Variants in PCDH15 observed in about 807,000 individuals in gnomAD.
PCDH15 encodes the protein protocadherin related 15.
In PCDH15, 129 loss-of-function variants were observed where a neutral mutation model predicts 178.5. The ratio of observed to expected loss-of-function variants is 0.72; its 90% CI spans 0.63 to 0.84. PCDH15 has a LOEUF of 0.84. Ranked by LOEUF, PCDH15 falls within the 40% of genes least tolerant of loss-of-function variation. The pLI is 0.00. For missense variants in PCDH15, 2,230 were observed against 2,099.9 expected (o/e 1.06, Z -1.21); for synonymous variants, 800 against 732.0 (o/e 1.09, Z -1.50).
At chr10:55,060,286 T>C in intron 2 of PCDH15, among the ~76,000 whole-genome samples, 1 of 152,172 alleles carries the variant, frequency 6.6e-6, no homozygotes, top group African/African-American at 2.4e-5. Flanking sequence ...ACAAAAGTAT[T>C]TATTGATATT....
At chr10:54,304,142 A>C (rs1263238554) in intron 8 of PCDH15, among the ~76,000 whole-genome samples, 1 of 152,012 alleles carries the variant, frequency 6.6e-6, no homozygotes, top group Admixed American at 6.6e-5. Flanking sequence ...AGGTTTTTTC[A>C]ATTTTATTTA....
At chr10:55,584,607 G>A (rs1299781509) in intron 2 of PCDH15, among the ~76,000 whole-genome samples, 2 of 131,822 alleles carry the variant, frequency 1.5e-5, no homozygotes, top group East Asian at 2.3e-4. Flanking sequence ...ACAATGAGCC[G>A]AGATCACACC....
rs960023615 is a variant in PCDH15 at position 54,253,822 on chromosome 10, C to T, written c.877-16891G>A. Reference sequence around the variant, plus strand: ...AAAACATTCTTTTGCTGTCTTTTAACGTAGATTTTAGATCTCAAATACTGT... The same window carrying T: ...AAAACATTCTTTTGCTGTCTTTTAATGTAGATTTTAGATCTCAAATACTGT... On this transcript the variant is annotated intron_variant, in intron 8 of 37. Coordinates refer to ENST00000644397, the MANE Select transcript of PCDH15 (RefSeq NM_001384140.1). 6.6e-5 allele frequency among the ~76,000 whole-genome samples: 10 copies of T among 152,026 alleles called. No homozygotes were observed. In the East Asian group the frequency reaches 1.2e-3, roughly 18 times the overall value.
intron 2 of PCDH15, among the ~76,000 whole-genome samples, chr10:54,602,430 A>G (rs1345008163): frequency 3.3e-5 from 5 of 151,984 alleles, no homozygotes; most frequent in Non-Finnish European, 7.4e-5. Flanking sequence ...CTATATGTCA[A>G]CTGTAAACAG....
intron 2 of PCDH15, among the ~76,000 whole-genome samples, chr10:55,123,662 A>G (rs1837827474): frequency 6.6e-6 from 1 of 152,128 alleles, no homozygotes; most frequent in Non-Finnish European, 1.5e-5. Context: ...GAGCCAGTCA[A>G]AGGTGCATTA....
At chr10:54,406,370 T>A (rs1715466078) in intron 3 of PCDH15, among the ~76,000 whole-genome samples, 1 of 152,134 alleles carries the variant, frequency 6.6e-6, no homozygotes, top group South Asian at 2.1e-4. Context: ...CTAGAATAGG[T>A]AGGAATTAGT....
intron 2 of PCDH15, among the ~76,000 whole-genome samples, chr10:54,565,098 T>A (rs1408296678): frequency 6.6e-6 from 1 of 152,200 alleles, no homozygotes; most frequent in African/African-American, 2.4e-5. Context: ...TAAACTCACT[T>A]CATTCACTTG....
intron 2 of PCDH15, among the ~76,000 whole-genome samples, chr10:55,392,706 A>C (rs892354490): frequency 1.8e-4 from 27 of 152,176 alleles, no homozygotes; most frequent in Non-Finnish European, 4.0e-4. Flanking sequence ...CTGATATAAA[A>C]TATATTGTAT....
chr10:54,626,213 C>A (rs1324767630), intron 2 of PCDH15, among the ~76,000 whole-genome samples: 1 of 152,092 alleles, frequency 6.6e-6, no homozygotes, highest in Non-Finnish European at 1.5e-5. Context: ...AATTTTGCAG[C>A]CTAATGATGT....
chr10:54,952,964 C>T (rs997549041), intron 2 of PCDH15, among the ~76,000 whole-genome samples: 4 of 151,530 alleles, frequency 2.6e-5, no homozygotes, highest in African/African-American at 9.7e-5. Context: ...TTCTTTTCTT[C>T]CCAATCTGTA....
intron 1 of PCDH15, among the ~76,000 whole-genome samples, chr10:55,209,065 C>A (rs765340794): frequency 1.3e-4 from 20 of 152,086 alleles, no homozygotes; most frequent in Admixed American, 3.3e-4. Flanking sequence ...GACATTTGAA[C>A]TGAGATAGAA....
intron 2 of PCDH15, among the ~76,000 whole-genome samples, chr10:55,132,951 C>T (rs913841737): frequency 4.6e-5 from 7 of 152,010 alleles, no homozygotes; most frequent in African/African-American, 1.7e-4. Context: ...GGTTTTAAGC[C>T]AAGTGTTGAC....
chr10:54,317,198 C>A (rs925236275), intron 8 of PCDH15, 73 bp downstream of exon 8: 3 of 1,508,202 alleles, frequency 2.0e-6, no homozygotes, highest in Non-Finnish European at 2.8e-6. Flanking sequence ...TATATGTCTA[C>A]AAAATACTTG....
At chr10:54,707,686 T>C (rs2095379474) in intron 1 of PCDH15, among the ~76,000 whole-genome samples, 2 of 152,212 alleles carry the variant, frequency 1.3e-5, no homozygotes, top group Admixed American at 1.3e-4. Context: ...GGGACAGTAT[T>C]CTGTGATTCT....
At chr10:55,333,036 C>T (rs115218981) in intron 2 of PCDH15, among the ~76,000 whole-genome samples, 1,637 of 152,162 alleles carry the variant, frequency 0.011, 35 homozygotes, top group African/African-American at 0.037. Context: ...CTTTTACTAG[C>T]TAATAAAACA....
chr10:54,555,896 T>C (rs1311715878), intron 2 of PCDH15, among the ~76,000 whole-genome samples: 3 of 152,118 alleles, frequency 2.0e-5, no homozygotes, highest in African/African-American at 7.2e-5. Context: ...GGCTGAATTA[T>C]TGGGGAAGAA....
At chr10:55,400,922 C>T (rs1838046357) in intron 2 of PCDH15, among the ~76,000 whole-genome samples, 2 of 152,006 alleles carry the variant, frequency 1.3e-5, no homozygotes, top group Admixed American at 1.3e-4. Flanking sequence ...CATATGTGTA[C>T]GTAGTGGGTG....
At chr10:55,252,911 A>T (rs916328383) in intron 1 of PCDH15, among the ~76,000 whole-genome samples, 1 of 152,320 alleles carries the variant, frequency 6.6e-6, no homozygotes, top group Non-Finnish European at 1.5e-5. Flanking sequence ...TCATCAATAA[A>T]TATGTAATTT....
rs73266156 is a variant in PCDH15, at chr10:54,776,262, G to C, written c.-29+24663C>G. On this transcript the variant is annotated intron_variant, in intron 1 of 37. Transcript: ENST00000644397. ...GGTACAGATTTCTCTTCGATGTACTGATTAATTTTCCTTTGGATAAATGGT... is the reference window on the plus strand; with the variant it reads ...GGTACAGATTTCTCTTCGATGTACTCATTAATTTTCCTTTGGATAAATGGT... Among the ~76,000 whole-genome samples, 818 of 152,230 alleles carry C rather than the reference G, an allele frequency of 5.4e-3. 14 individuals are homozygous for C. The highest frequency in any genetic ancestry group is 0.019 in the African/African-American group (785 of 41,554).
Sources: gnomAD v4.1 joint callset for allele counts (sites outside exome capture counted in the v4.1 genomes callset) on GRCh38, gnomAD v4.1.1 for gene constraint, MANE v1.5 for transcripts, NCBI Gene and HGNC (gene_info 2026-07-23, HGNC 2026-07-21) for gene names.